EPHA6: variants seen among roughly 807,000 people sequenced by gnomAD.
EPHA6 encodes ephrin type-A receptor 6.
EPHA6 carries 50 observed loss-of-function variants against 112.0 expected under a neutral mutation model. That is an observed-to-expected ratio of 0.45 (90% CI 0.36 to 0.56). EPHA6 has a LOEUF of 0.56. Ranked by LOEUF, EPHA6 falls within the 20% of genes least tolerant of loss-of-function variation. The pLI is 0.00. For synonymous variants in EPHA6, 529 were observed against 490.7 expected (o/e 1.08, Z -1.03); for missense variants, 1,280 against 1,417.4 (o/e 0.90, Z 1.56).
chr3:96,888,295 T>C (rs2037755024), intron 2 of EPHA6, among the ~76,000 whole-genome samples: 1 of 152,158 alleles, frequency 6.6e-6, no homozygotes, highest in South Asian at 2.1e-4. Flanking sequence ...CGCTCGGCTC[T>C]CCAAATTGAC....
chr3:97,040,908 T>C (rs1389725694), intron 3 of EPHA6, among the ~76,000 whole-genome samples: 1 of 152,086 alleles, frequency 6.6e-6, no homozygotes, highest in Non-Finnish European at 1.5e-5. Flanking sequence ...TTAAAGGGAA[T>C]GTAACACCAA....
At chr3:97,438,454 C>G (rs2089970972) in intron 6 of EPHA6, among the ~76,000 whole-genome samples, 1 of 152,094 alleles carries the variant, frequency 6.6e-6, no homozygotes, top group South Asian at 2.1e-4. Context: ...TTCTCATCTC[C>G]CATTTGAATT....
At position 97,757,146 on chromosome 3, in the gene EPHA6, AC is replaced by A. The variant is rs1298669335; in HGVS notation, c.*8446del. ...ATTAAGGAAAACACTAAAAGGTAAT[AC>A]AGTACAAAGAGGAGTTTGTTTTAAA... is the stretch of plus-strand genomic sequence containing the variant. On this transcript the variant is annotated 3_prime_UTR_variant, in exon 18 of 18. Coordinates refer to ENST00000389672, the MANE Select transcript of EPHA6 (RefSeq NM_001080448.3). Among the ~76,000 whole-genome samples, 1 of 151,960 alleles carries A rather than the reference AC, an allele frequency of 6.6e-6. No individual in the cohort carries two copies. The highest frequency in any genetic ancestry group is 1.9e-4 in the East Asian group (1 of 5,188).
chr3:97,412,762 A>G (rs1226397551), intron 6 of EPHA6, among the ~76,000 whole-genome samples: 1 of 152,070 alleles, frequency 6.6e-6, no homozygotes, highest in Non-Finnish European at 1.5e-5. Context: ...AAGAAAAGAG[A>G]AAAAATATAA....
intron 1 of EPHA6, among the ~76,000 whole-genome samples, chr3:96,843,662 C>T (rs889970953): frequency 2.0e-5 from 3 of 151,792 alleles, no homozygotes; most frequent in Admixed American, 6.6e-5. Flanking sequence ...CGTGTTGGAG[C>T]GAGGAGCAAG....
chr3:97,395,711 T>C (rs2086658657), intron 5 of EPHA6, among the ~76,000 whole-genome samples: 1 of 150,304 alleles, frequency 6.7e-6, no homozygotes, highest in South Asian at 2.1e-4. Context: ...AAAACACACC[T>C]ACACACACAC....
intron 10 of EPHA6, among the ~76,000 whole-genome samples, chr3:97,499,139 C>G (rs1455285561): frequency 2.0e-5 from 3 of 152,176 alleles, no homozygotes; most frequent in African/African-American, 7.2e-5. Context: ...CATGCCTTCT[C>G]TTTACTCCCC....
intron 3 of EPHA6, among the ~76,000 whole-genome samples, chr3:97,176,907 A>G (rs1455527957): frequency 6.9e-6 from 1 of 144,804 alleles, no homozygotes; most frequent in Non-Finnish European, 1.5e-5. Flanking sequence ...TGTGATCTTT[A>G]TTGTTTCTTC....
At chr3:96,886,897 T>G (rs1288285771) in intron 2 of EPHA6, among the ~76,000 whole-genome samples, 1 of 152,154 alleles carries the variant, frequency 6.6e-6, no homozygotes, top group Non-Finnish European at 1.5e-5. Context: ...TCCAGAGCAT[T>G]TTGCATTTCT....
At chr3:96,984,646 C>G (rs148558509) in intron 2 of EPHA6, among the ~76,000 whole-genome samples, 2,356 of 152,320 alleles carry the variant, frequency 0.015, 29 homozygotes, top group Non-Finnish European at 0.025. Flanking sequence ...GCCCTGCCCC[C>G]AGAGGTGGCG....
intron 2 of EPHA6, among the ~76,000 whole-genome samples, chr3:96,986,781 G>A (rs888978206): frequency 5.3e-5 from 8 of 152,034 alleles, no homozygotes; most frequent in African/African-American, 9.6e-5. Flanking sequence ...AATATTTATC[G>A]AATAAGCCTA....
At chr3:97,137,152 G>A (rs988482766) in intron 3 of EPHA6, among the ~76,000 whole-genome samples, 1 of 152,162 alleles carries the variant, frequency 6.6e-6, no homozygotes, top group African/African-American at 2.4e-5. Flanking sequence ...TATAAATTCA[G>A]TGGGGGGACA....
chr3:97,333,966 A>G (rs975437435), intron 5 of EPHA6, among the ~76,000 whole-genome samples: 13 of 152,124 alleles, frequency 8.5e-5, no homozygotes, highest in African/African-American at 3.1e-4. Context: ...TATCAAGTTA[A>G]GTTAATTTCT....
At chr3:96,980,479 G>T (rs1416752898) in intron 2 of EPHA6, among the ~76,000 whole-genome samples, 103 of 139,892 alleles carry the variant, frequency 7.4e-4, no homozygotes, top group South Asian at 1.4e-3. Context: ...TTGAAGTCAG[G>T]TAGCATGATG....
intron 3 of EPHA6, among the ~76,000 whole-genome samples, chr3:97,082,330 AAGC>A (rs1193758001): frequency 6.6e-6 from 1 of 151,966 alleles, no homozygotes; most frequent in African/African-American, 2.4e-5. Context: ...CACATGAAGA[AAGC>A]AGAAAGATGT....
At chr3:96,867,012 T>C (rs2036356138) in intron 2 of EPHA6, 123 bp downstream of exon 2, 1 of 476,966 alleles carries the variant, frequency 2.1e-6, no homozygotes, top group South Asian at 5.0e-5. Flanking sequence ...TTACATCCCA[T>C]AGAAAAGGTT....
intron 1 of EPHA6, among the ~76,000 whole-genome samples, chr3:96,818,179 T>G (rs772207844): frequency 5.9e-5 from 9 of 151,986 alleles, no homozygotes; most frequent in Non-Finnish European, 1.2e-4. Context: ...TACACTTATA[T>G]GAATATAAAA....
rs548644797 is a variant in EPHA6 at position 97,575,523 on chromosome 3, AACATCTGAGAGGTTAC to A, written c.2387-17083_2387-17068del. Among the ~76,000 whole-genome samples, 8 of 152,360 alleles carry A rather than the reference AACATCTGAGAGGTTAC, an allele frequency of 5.3e-5. No individual in the cohort carries two copies. In the East Asian group the frequency reaches 1.5e-3, roughly 29 times the overall value. ...TATACAACCATTCCTGGCATAAAAA[AACATCTGAGAGGTTAC>A]ACATCAAAATGATGACAGCAGAGGG... On this transcript the variant is annotated intron_variant, in intron 11 of 17. Coordinates refer to ENST00000389672, the MANE Select transcript of EPHA6 (RefSeq NM_001080448.3).
intron 5 of EPHA6, among the ~76,000 whole-genome samples, chr3:97,358,138 C>T (rs2084179412): frequency 6.6e-6 from 1 of 151,916 alleles, no homozygotes; most frequent in Non-Finnish European, 1.5e-5. Context: ...TTCTATTTTC[C>T]CTATAGTAGT....
Sources: allele counts gnomAD v4.1 joint callset (sites outside exome capture counted in the v4.1 genomes callset), GRCh38; gene constraint gnomAD v4.1.1; transcripts MANE v1.5; gene names NCBI Gene and HGNC (gene_info 2026-07-23, HGNC 2026-07-21).